PXK: variants seen among roughly 807,000 people sequenced by gnomAD.
PXK encodes the protein PX domain containing serine/threonine kinase like.
PXK carries 35 observed loss-of-function variants against 84.7 expected under a neutral mutation model. That is an observed-to-expected ratio of 0.41 (90% confidence interval 0.32 to 0.55). The LOEUF (loss-of-function observed/expected upper bound fraction) is 0.55, where lower values mean the gene tolerates loss of function less well. Among genes scored for constraint, PXK ranks in the 20% least tolerant of loss-of-function variants. The pLI, the probability that PXK is intolerant of heterozygous loss-of-function variation, is 0.21. For synonymous variants in PXK, 253 were observed against 260.8 expected (o/e 0.97, Z 0.29); for missense variants, 634 against 699.7 (o/e 0.91, Z 1.06).
intron 17 of PXK, among the ~76,000 whole-genome samples, chr3:58,419,145 A>G (rs901413605): frequency 6.6e-6 from 1 of 152,070 alleles, no homozygotes; most frequent in African/African-American, 2.4e-5. Flanking sequence ...CTGTCTGTCT[A>G]GATTCTTCTC....
rs1483325121 is a variant in PXK, at chr3:58,414,730, CTTTCT to C, written c.1528+1771_1528+1775del. Among the ~76,000 whole-genome samples, 1 of 152,120 alleles carries C rather than the reference CTTTCT, an allele frequency of 6.6e-6. No homozygotes were observed. Among genetic ancestry groups the C allele is most frequent in the East Asian group, 1.9e-4 (1 of 5,184 alleles). ...GGTTCCCAGCAAATATTGGCTCCTC[CTTTCT>C]TTTATCTCCTTAATGTTTTGTTGAT... On this transcript the variant is annotated intron_variant, in intron 17 of 17. Coordinates refer to ENST00000356151, the MANE Select transcript of PXK (RefSeq NM_017771.5). The surrounding 1 kb of genome is among the most constrained non-coding windows in gnomAD (Gnocchi z 4.5).
chr3:58,382,130 A>G (rs1413914349), intron 3 of PXK, among the ~76,000 whole-genome samples: 1 of 152,206 alleles, frequency 6.6e-6, no homozygotes, highest in Non-Finnish European at 1.5e-5. Context: ...AGCCTGGCCA[A>G]CATGGTAAAA....
intron 1 of PXK, among the ~76,000 whole-genome samples, chr3:58,359,211 T>C (rs1173925267): frequency 6.6e-6 from 1 of 152,174 alleles, no homozygotes; most frequent in Non-Finnish European, 1.5e-5. Flanking sequence ...GTGCCCAACA[T>C]TGAGCTGGAA....
rs143820637 is a variant in PXK at position 58,395,723 on chromosome 3, C to A, written c.786C>A (p.Leu262=). The change falls in exon 9 of 18, where the codon CTC becomes CTA. Residue 262 remains leucine (L), a synonymous_variant. Transcript: ENST00000356151. The stretch of plus-strand genomic sequence containing the variant: ...CTAAGAAGATTCAGGGCCTGGAACT[C>A]CAGCAAATAAAAACATATGGACGGC... ...CNPKKIQGLE[L]QQIKTYGRQI... The A allele has an allele frequency of 6.4e-5, 104 of 1,613,308 alleles. No individual in the cohort carries two copies. The African/African-American group carries it at 1.2e-3, about 19-fold the overall frequency.
intron 2 of PXK, 140 bp downstream of exon 2, chr3:58,366,064 T>TA: frequency 2.7e-6 from 2 of 752,724 alleles, no homozygotes; most frequent in Non-Finnish European, 4.1e-6. Flanking sequence ...CTATAAACTT[T>TA]TAGCTTTAAG....
At position 58,382,517 on chromosome 3, in the gene PXK, G is replaced by A. The variant is rs535299170; in HGVS notation, c.205G>A (p.Ala69Thr). ...CTTTTTTTTTTTTTTTTTAAAGATT[G>A]CAGGCCTAAGTCTACCTCTTCCTCC... Reference protein sequence around the residue: ...FDLLNNSLQIAGLSLPLPPKK... With the variant: ...FDLLNNSLQITGLSLPLPPKK... Residue 69 changes from alanine (A) to threonine (T), a missense_variant, in exon 4 of 18, where the codon GCA (alanine) becomes ACA (threonine). Around this residue, in one of 3 missense-constraint regions of PXK, gnomAD observed 353 missense variants for 385.2 expected, o/e 0.92. Coordinates refer to ENST00000356151, the MANE Select transcript of PXK (RefSeq NM_017771.5). The A allele has an allele frequency of 2.1e-6, 3 of 1,430,248 alleles. No homozygotes were observed. Among genetic ancestry groups the A allele is most frequent in the Non-Finnish European group, 2.8e-6 (3 of 1,075,714 alleles). The allele number at this position is 1,430,248 out of a possible 1,614,324, so 88.6% of individuals were successfully genotyped here.
intron 12 of PXK, 59 bp from the exon 13 acceptor site, chr3:58,403,803 C>G (rs959128998): frequency 8.6e-7 from 1 of 1,162,802 alleles, no homozygotes; most frequent in Admixed American, 2.1e-5. Context: ...CTGCTTTCAT[C>G]CTAGTCTGAG....
rs62258097 is a variant in PXK at position 58,389,948 on chromosome 3, G to A, written c.389-634G>A. ...CAGGAGGTGGAGGTTGCGGTGAGCCGAGATCGCACCATTGCACTCCAACCT... is the reference window on the plus strand; with the variant it reads ...CAGGAGGTGGAGGTTGCGGTGAGCCAAGATCGCACCATTGCACTCCAACCT... On this transcript the variant is annotated intron_variant, in intron 4 of 17. Transcript: ENST00000356151. 4.4e-5 allele frequency among the ~76,000 whole-genome samples: 6 copies of A among 136,760 alleles called. No individual in the cohort carries two copies. The East Asian group carries it at 6.6e-4, about 15-fold the overall frequency. 89.7% of individuals were successfully genotyped at this position (136,760 alleles called of 152,430 possible). A position where few individuals can be genotyped will look rare whatever the true frequency, so the allele number is the denominator to read the frequency against.
At chr3:58,415,321 C>T (rs2060793615) in intron 17 of PXK, among the ~76,000 whole-genome samples, 1 of 152,222 alleles carries the variant, frequency 6.6e-6, no homozygotes, top group Non-Finnish European at 1.5e-5. Context: ...ACACCATTTG[C>T]AAGGATGGGA....
chr3:58,397,865 A>C lies in PXK; in HGVS notation c.1102+143A>C. The C allele has an allele frequency of 1.5e-6, 1 of 653,044 alleles. No individual in the cohort carries two copies. The highest frequency in any genetic ancestry group is 2.1e-5 in the South Asian group (1 of 47,594). The allele number at this position is 653,044 out of a possible 1,614,324, so 40.5% of individuals were successfully genotyped here. A position where few individuals can be genotyped will look rare whatever the true frequency, so the allele number is the denominator to read the frequency against. Reference sequence around the variant, plus strand: ...CTTACAAAATTTAAAAGTAGACCAAATTTGAGTAGTTTACTTAAATACACT... The same window carrying C: ...CTTACAAAATTTAAAAGTAGACCAACTTTGAGTAGTTTACTTAAATACACT... On this transcript the variant is annotated intron_variant, in intron 11 of 17. Transcript: ENST00000356151. The surrounding 1 kb of genome is among the most constrained non-coding windows in gnomAD (Gnocchi z 4.7).
intron 12 of PXK, among the ~76,000 whole-genome samples, chr3:58,403,412 A>T (rs1340744099): frequency 6.6e-6 from 1 of 152,210 alleles, no homozygotes; most frequent in East Asian, 1.9e-4. Flanking sequence ...TTAGATTCCA[A>T]TCAGGACAAT....
At chr3:58,422,251 C>T (rs1444085228) in intron 17 of PXK, 2 of 985,418 alleles carry the variant, frequency 2.0e-6, no homozygotes, top group Non-Finnish European at 2.4e-6. Flanking sequence ...CAGTTTCCAC[C>T]TTCTGACCCC....
rs775036615 is a variant in PXK, at chr3:58,411,482, C to T, written c.1465+1323C>T. Among the ~76,000 whole-genome samples, 1 of 152,112 alleles carries T rather than the reference C, an allele frequency of 6.6e-6. No homozygotes were observed. The highest frequency in any genetic ancestry group is 2.4e-5 in the African/African-American group (1 of 41,398). On this transcript the variant is annotated intron_variant, in intron 16 of 17. Transcript: ENST00000356151. The surrounding 1 kb of genome is among the most constrained non-coding windows in gnomAD (Gnocchi z 4.2). ...GTAGTTTCAGTTGGAAGCCTATCTTCGCCATGGTTGATGGGAGGGACATGG... is the reference window on the plus strand; with the variant it reads ...GTAGTTTCAGTTGGAAGCCTATCTTTGCCATGGTTGATGGGAGGGACATGG...
chr3:58,344,946 C>G (rs2097790575), intron 1 of PXK, among the ~76,000 whole-genome samples: 1 of 152,234 alleles, frequency 6.6e-6, no homozygotes, highest in African/African-American at 2.4e-5. Flanking sequence ...TCAGCTCTTC[C>G]CCTCTCAGTT....
chr3:58,358,069 G>A (rs546154014), intron 1 of PXK, among the ~76,000 whole-genome samples: 2 of 152,306 alleles, frequency 1.3e-5, no homozygotes, highest in African/African-American at 4.8e-5. Flanking sequence ...ATTATGCAGT[G>A]CATAACTATA....
chr3:58,374,949 A>G (rs573011654), intron 3 of PXK, among the ~76,000 whole-genome samples: 2 of 152,302 alleles, frequency 1.3e-5, no homozygotes, highest in African/African-American at 4.8e-5. Flanking sequence ...CATAGCAGGG[A>G]CATTATAATT....
At chr3:58,413,344 C>T (rs1459715937) in intron 17 of PXK, 7 of 240,712 alleles carry the variant, frequency 2.9e-5, no homozygotes, top group African/African-American at 4.5e-5. Context: ...GGAGCCCGTC[C>T]ATAGGGTCAG....
rs182766549 is a variant in PXK, at chr3:58,361,844, C to G, written c.103-4030C>G. Among the ~76,000 whole-genome samples the G allele has an allele frequency of 2.6e-5, 4 of 152,216 alleles. No homozygotes were observed. The East Asian group carries it at 7.7e-4, about 29-fold the overall frequency. On this transcript the variant is annotated intron_variant, in intron 1 of 17. Coordinates refer to ENST00000356151, the MANE Select transcript of PXK (RefSeq NM_017771.5). ...CTTATGTGAATATAAGTTTTCATTT[C>G]TTTGGAATAAATGTCTAGGAATACA...
chr3:58,340,669 G>A (rs2097713399), intron 1 of PXK, among the ~76,000 whole-genome samples: 1 of 151,782 alleles, frequency 6.6e-6, no homozygotes, highest in Admixed American at 6.6e-5. Context: ...AGATTGTAGT[G>A]AGCCAAGATG....
Sources: allele counts gnomAD v4.1 joint callset (sites outside exome capture counted in the v4.1 genomes callset), GRCh38; gene constraint gnomAD v4.1.1; regional missense constraint gnomAD v4.1.1; non-coding constraint Gnocchi (gnomAD v3.1); transcripts MANE v1.5; gene names NCBI Gene and HGNC (gene_info 2026-07-23, HGNC 2026-07-21).